The following CDC25A variants were observed in gnomAD, a reference collection of about 807,000 sequenced individuals.
CDC25A encodes the protein M-phase inducer phosphatase 1.
Under a neutral mutation model 64.6 loss-of-function variants are expected in CDC25A, and 17 were observed. That is an observed-to-expected ratio of 0.26 (90% CI 0.18 to 0.39). CDC25A has a LOEUF of 0.39. CDC25A is among the 10% of genes least tolerant of loss of function. The pLI is 1.00. For synonymous variants in CDC25A, 229 were observed against 238.6 expected, an observed-to-expected ratio of 0.96 and a Z score of 0.37; for missense variants, 473 against 654.8, an observed-to-expected ratio of 0.72 and a Z score of 3.03.
chr3:48,166,512 G>A (rs2032027585), intron 10 of CDC25A, among the ~76,000 whole-genome samples: 1 of 152,184 alleles, frequency 6.6e-6, no homozygotes, highest in Non-Finnish European at 1.5e-5. Flanking sequence ...CCACACGTCA[G>A]TAGTTAGACT....
chr3:48,177,379 T>C lies in CDC25A; in HGVS notation c.748A>G (p.Thr250Ala). ...ACACTAGAACAACTCACAAGGTTTG[T>C]AGTTCTCATGACGAGAGGAGCTGTC... The part of the protein sequence containing the change: ...LWTAPLVMRT[T>A]NLDNRCKLFD... Residue 250 changes from threonine (T) to alanine (A), a missense_variant, in exon 8 of 15, where the codon ACA becomes GCA. Transcript: ENST00000302506. 6.8e-6 allele frequency: 11 copies of C among 1,613,482 alleles called. No homozygotes were observed. The highest frequency in any genetic ancestry group is 2.2e-5 in the South Asian group (2 of 91,072).
In CDC25A at chr3:48,177,399, G is replaced by C. The variant is rs764713762; in HGVS notation, c.728C>G (p.Ala243Gly). The change falls in exon 8 of 15, where the codon GCT (alanine) becomes GGT (glycine). Residue 243 changes from alanine to glycine, a missense_variant. Around this residue, in one of 2 missense-constraint regions of CDC25A, gnomAD observed 376 missense variants for 431.9 expected, o/e 0.87. Transcript: ENST00000302506. ...TPSCMASLWT[A>G]PLVMRTTNLD... ...GTTTGTAGTTCTCATGACGAGAGGA[G>C]CTGTCCAGAGGCTTGCCATGCACGA... 3.1e-6 allele frequency: 5 copies of C among 1,613,906 alleles called. No homozygotes were observed. The highest frequency in any genetic ancestry group is 1.7e-6 in the Non-Finnish European group (2 of 1,179,888).
chr3:48,167,705 T>C lies in CDC25A; in HGVS notation c.1029+141A>G, dbSNP rs1003760867. The C allele has an allele frequency of 1.1e-4, 67 of 604,866 alleles. 3 individuals are homozygous for C. Among genetic ancestry groups the C allele is most frequent in the Non-Finnish European group, 6.3e-5 (21 of 333,350 alleles). 37.5% of individuals were successfully genotyped at this position (604,866 alleles called of 1,614,324 possible). A position where few individuals can be genotyped will look rare whatever the true frequency, so the allele number is the denominator to read the frequency against. On this transcript the variant is annotated intron_variant, in intron 10 of 14. Coordinates refer to ENST00000302506, the MANE Select transcript of CDC25A (RefSeq NM_001789.3). ...CCTGATCATGAGAAACTAAGTTTGCTTCCCTACCTTTAACATTCTTTTAAC... is the reference window on the plus strand; with the variant it reads ...CCTGATCATGAGAAACTAAGTTTGCCTCCCTACCTTTAACATTCTTTTAAC...
chr3:48,163,198 G>A (rs1396012096), intron 13 of CDC25A, among the ~76,000 whole-genome samples: 25 of 150,376 alleles, frequency 1.7e-4, no homozygotes, highest in Non-Finnish European at 2.7e-4. Flanking sequence ...CAGGAGAATC[G>A]CTTGAACCCA....
rs2031654434 is a variant in CDC25A at position 48,159,366 on chromosome 3, T to C, written c.1412A>G (p.Lys471Arg). The change falls in exon 14 of 15, where the codon AAG becomes AGG. Residue 471 changes from lysine to arginine, a missense_variant. By Grantham distance (26) the Lys-to-Arg change is conservative (BLOSUM62 2). Around this residue, in one of 2 missense-constraint regions of CDC25A, gnomAD observed 97 missense variants for 223.0 expected, o/e 0.43. Coordinates refer to ENST00000302506, the MANE Select transcript of CDC25A (RefSeq NM_001789.3). ...TACCTGGCATTTCATAAAGAACTCC[T>C]TGTATCCCCCCTTCAGGACATACAG... ...PELYVLKGGYKEFFMKCQSYC... is the reference protein window; with the variant it reads ...PELYVLKGGYREFFMKCQSYC... 3 of 1,613,104 alleles carry C rather than the reference T, an allele frequency of 1.9e-6. No individual in the cohort carries two copies. The highest frequency in any genetic ancestry group is 2.5e-6 in the Non-Finnish European group (3 of 1,179,098).
In CDC25A at chr3:48,188,144, C is replaced by T; in HGVS notation, c.-197G>A. On this transcript the variant is annotated 5_prime_UTR_variant, in exon 1 of 15. Transcript: ENST00000302506. ...GCGGGTGTGCGGACCCTCCAGGCGC[C>T]AGCCACCAGCCACAGGCACGGGTGC... is the stretch of plus-strand genomic sequence containing the variant. The T allele has an allele frequency of 2.7e-6, 1 of 372,704 alleles. No individual in the cohort carries two copies. The highest frequency in any genetic ancestry group is 4.3e-5 in the East Asian group (1 of 23,178). The allele number at this position is 372,704 out of a possible 1,614,324, so 23.1% of individuals were successfully genotyped here.
At position 48,159,080 on chromosome 3, in the gene CDC25A, G is replaced by A. The variant is rs766476709; in HGVS notation, c.1440C>T (p.Tyr480=). The change falls in exon 15 of 15, where the codon TAC becomes TAT. Residue 480 remains tyrosine, a synonymous_variant. Transcript: ENST00000302506. ...YKEFFMKCQS[Y]CEPPSYRPMH... ...TGGGCCGGTAGCTAGGGGGCTCACA[G>A]TAAGACTGAGGGGACAGGAGAGAAT... The A allele has an allele frequency of 1.1e-4, 170 of 1,613,976 alleles. No individual in the cohort carries two copies. Among genetic ancestry groups the A allele is most frequent in the Non-Finnish European group, 1.4e-4 (162 of 1,179,990 alleles).
In CDC25A at chr3:48,177,420, C is replaced by A. The variant is rs757446929; in HGVS notation, c.707G>T (p.Cys236Phe). 7 of 1,613,726 alleles carry A rather than the reference C, an allele frequency of 4.3e-6. No individual in the cohort carries two copies. The highest frequency in any genetic ancestry group is 5.9e-6 in the Non-Finnish European group (7 of 1,179,740). Residue 236 changes from cysteine to phenylalanine, a missense_variant, in exon 8 of 15, where the codon TGC becomes TTC. By Grantham distance (205) the Cys-to-Phe change is radical. Coordinates refer to ENST00000302506, the MANE Select transcript of CDC25A (RefSeq NM_001789.3). ...AGGAGCTGTCCAGAGGCTTGCCATG[C>A]ACGAGGGGGTCTCCTCCTCATTCTA... ...NLKNEEETPS[C>F]MASLWTAPLV...
chr3:48,188,311 CT>C lies in CDC25A; in HGVS notation c.-365del. Reference sequence around the variant, plus strand: ...CCAGGCTCACGCTGTCTTCGCTGTTCTCCCACCCGCTTGCCCAGCTCCGGGT... The same window carrying C: ...CCAGGCTCACGCTGTCTTCGCTGTTCCCCACCCGCTTGCCCAGCTCCGGGT... On this transcript the variant is annotated 5_prime_UTR_variant, in exon 1 of 15. Coordinates refer to ENST00000302506, the MANE Select transcript of CDC25A (RefSeq NM_001789.3). 5.3e-6 allele frequency: 1 copy of C among 189,632 alleles called. No homozygotes were observed. Among genetic ancestry groups the C allele is most frequent in the Non-Finnish European group, 1.1e-5 (1 of 93,092 alleles). 11.7% of individuals were successfully genotyped at this position (189,632 alleles called of 1,614,324 possible).
intron 2 of CDC25A, among the ~76,000 whole-genome samples, chr3:48,186,432 G>A (rs2032846414): frequency 6.6e-6 from 1 of 152,124 alleles, no homozygotes; most frequent in Non-Finnish European, 1.5e-5. Context: ...AGCCGGGTGT[G>A]GTGGTGCATG....
At chr3:48,161,951 C>T (rs887435274) in intron 13 of CDC25A, among the ~76,000 whole-genome samples, 2 of 152,048 alleles carry the variant, frequency 1.3e-5, no homozygotes, top group African/African-American at 2.4e-5. Flanking sequence ...GTCCCAGCTA[C>T]TTGGGAGCCT....
rs183911770 is a variant in CDC25A at position 48,171,422 on chromosome 3, C to T, written c.930+2862G>A. Among the ~76,000 whole-genome samples, 240 of 150,600 alleles carry T rather than the reference C, an allele frequency of 1.6e-3. 1 individual carries two copies. The highest frequency in any genetic ancestry group is 5.6e-3 in the African/African-American group (229 of 41,000). On this transcript the variant is annotated intron_variant, in intron 9 of 14. Coordinates refer to ENST00000302506, the MANE Select transcript of CDC25A (RefSeq NM_001789.3). ...TTGAGATGAAATCTCACTCTATCAC[C>T]CAGGCTGGAGTGCAGTGGCGTGATC...
intron 7 of CDC25A, 62 bp from the exon 8 acceptor site, chr3:48,177,504 CT>C: frequency 7.8e-7 from 1 of 1,282,200 alleles, no homozygotes; most frequent in Non-Finnish European, 1.1e-6. Context: ...TGTTTAAGTG[CT>C]TTAGGTGTGT....
chr3:48,184,440 C>T (rs1012326099), intron 3 of CDC25A, among the ~76,000 whole-genome samples: 1 of 151,984 alleles, frequency 6.6e-6, no homozygotes, highest in Non-Finnish European at 1.5e-5. Context: ...GGGTAAGACC[C>T]AAACAGAACA....
chr3:48,188,009 C>A lies in CDC25A; in HGVS notation c.-62G>T, dbSNP rs2032913140. 42 of 1,282,642 alleles carry A rather than the reference C, an allele frequency of 3.3e-5. 2 individuals are homozygous for A. In the South Asian group the frequency reaches 8.9e-4, roughly 27 times the overall value. 79.5% of individuals were successfully genotyped at this position (1,282,642 alleles called of 1,614,324 possible). On this transcript the variant is annotated 5_prime_UTR_variant, in exon 1 of 15. Transcript: ENST00000302506. Reference sequence around the variant, plus strand: ...TCCTCTGCCTCCGCCGCGACCGCCCCGCCCCGCCGACACCGGCCTCGGCCG... The same window carrying A: ...TCCTCTGCCTCCGCCGCGACCGCCCAGCCCCGCCGACACCGGCCTCGGCCG...
intron 4 of CDC25A, 96 bp from the exon 5 acceptor site, chr3:48,183,126 G>C (rs1313095516): frequency 1.3e-6 from 1 of 761,844 alleles, no homozygotes; most frequent in Non-Finnish European, 2.3e-6. Flanking sequence ...GTTGAATAGG[G>C]GGTAGACTAG....
At chr3:48,164,472 G>T in intron 12 of CDC25A, 35 bp from the exon 13 acceptor site, 1 of 1,460,764 alleles carries the variant, frequency 6.8e-7, no homozygotes, top group Non-Finnish European at 9.0e-7. Flanking sequence ...GAACCTGCAC[G>T]TTTCACACAT....
rs2032383380 is a variant in CDC25A, at chr3:48,174,410, G to A, written c.804C>T (p.Ser268=). Residue 268 remains serine (S), a synonymous_variant, in exon 9 of 15, where the codon AGC becomes AGT. Coordinates refer to ENST00000302506, the MANE Select transcript of CDC25A (RefSeq NM_001789.3). ...LFDSPSLCSS[S]TRSVLKRPER... is the part of the protein sequence containing the mutation. ...CTGGTCTCTTCAACACTGACCGAGT[G>A]CTGGAGCTACACAGGGAAGGGGAGT... 6.2e-7 allele frequency: 1 copy of A among 1,613,938 alleles called. No homozygotes were observed. Among genetic ancestry groups the A allele is most frequent in the Non-Finnish European group, 8.5e-7 (1 of 1,179,990 alleles).
chr3:48,165,076 C>T (rs2031944867), intron 12 of CDC25A, among the ~76,000 whole-genome samples: 1 of 143,390 alleles, frequency 7.0e-6, no homozygotes, highest in South Asian at 2.2e-4. Flanking sequence ...TGCCACTGCA[C>T]TCCAGCCTGG....
Sources: gnomAD v4.1 joint callset for allele counts (sites outside exome capture counted in the v4.1 genomes callset) on GRCh38, gnomAD v4.1.1 for gene constraint, gnomAD v4.1.1 regional missense constraint, MANE v1.5 for transcripts, NCBI Gene and HGNC (gene_info 2026-07-23, HGNC 2026-07-21) for gene names.